The following ADGRV1 variants were observed in gnomAD, a reference collection of about 807,000 sequenced individuals.
ADGRV1 encodes the protein G-protein coupled receptor 98.
A neutral mutation model predicts 596.2 loss-of-function variants in ADGRV1; 359 were observed. That is an observed-to-expected ratio of 0.60 (90% confidence interval 0.55 to 0.66). The LOEUF is 0.66. Among genes scored for constraint, ADGRV1 ranks in the 30% least tolerant of loss-of-function variants. The pLI is 0.00. For synonymous variants in ADGRV1, 2,681 were observed against 2,679.2 expected (o/e 1.00, Z -0.02); for missense variants, 7,274 against 7,575.6 (o/e 0.96, Z 1.48).
intron 83 of ADGRV1, among the ~76,000 whole-genome samples, chr5:90,916,833 C>T (rs527389370): frequency 9.2e-5 from 14 of 151,516 alleles, no homozygotes; most frequent in Non-Finnish European, 1.9e-4. Context: ...GGGGTTTCAC[C>T]GTTTTAGCCA....
chr5:90,639,084 A>ACC (rs1766631670), intron 11 of ADGRV1, among the ~76,000 whole-genome samples: 1 of 151,624 alleles, frequency 6.6e-6, no homozygotes, highest in African/African-American at 2.4e-5. Context: ...ACACACACAC[A>ACC]CACACACACA....
intron 1 of ADGRV1, among the ~76,000 whole-genome samples, chr5:90,569,934 G>A (rs1476038045): frequency 2.0e-5 from 3 of 151,946 alleles, no homozygotes; most frequent in Non-Finnish European, 4.4e-5. Flanking sequence ...TATTATTATT[G>A]CTTTATGTAG....
intron 75 of ADGRV1, among the ~76,000 whole-genome samples, chr5:90,820,660 C>G (rs1380636453): frequency 3.3e-5 from 5 of 149,662 alleles, no homozygotes; most frequent in African/African-American, 1.2e-4. Context: ...TATTTTATTT[C>G]TCCTTCACTT....
At chr5:90,993,177 T>C (rs2151079094) in intron 85 of ADGRV1, among the ~76,000 whole-genome samples, 1 of 148,698 alleles carries the variant, frequency 6.7e-6, no homozygotes, top group African/African-American at 2.5e-5. Flanking sequence ...TTTTTTTTTT[T>C]TGACGGAGGC....
At chr5:91,036,340 A>G (rs1784906999) in intron 85 of ADGRV1, among the ~76,000 whole-genome samples, 1 of 152,084 alleles carries the variant, frequency 6.6e-6, no homozygotes, top group South Asian at 2.1e-4. Context: ...TGGGCGGATC[A>G]CTAGGTCAGG....
intron 85 of ADGRV1, among the ~76,000 whole-genome samples, chr5:91,048,866 C>A (rs1354248204): frequency 6.6e-6 from 1 of 152,210 alleles, no homozygotes; most frequent in African/African-American, 2.4e-5. Flanking sequence ...AAAAAAGATA[C>A]AGCTTTTTTT....
chr5:90,732,404 T>C (rs1752668665), intron 50 of ADGRV1, among the ~76,000 whole-genome samples: 1 of 152,204 alleles, frequency 6.6e-6, no homozygotes, highest in South Asian at 2.1e-4. Context: ...TATAATGATA[T>C]GTATTTCCTC....
At chr5:90,906,181 GCA>G (rs1234734710) in intron 83 of ADGRV1, among the ~76,000 whole-genome samples, 2 of 151,962 alleles carry the variant, frequency 1.3e-5, no homozygotes. Flanking sequence ...ATATTGGCCT[GCA>G]TATATGTTTT....
chr5:90,590,775 T>A (rs184153380), intron 1 of ADGRV1, among the ~76,000 whole-genome samples: 1 of 152,360 alleles, frequency 6.6e-6, no homozygotes. Flanking sequence ...ACTGTTATTT[T>A]AATGTTCTGT....
chr5:90,567,408 T>C (rs2151948207), intron 1 of ADGRV1, among the ~76,000 whole-genome samples: 1 of 152,308 alleles, frequency 6.6e-6, no homozygotes. Flanking sequence ...CTTAAACATT[T>C]GGTAGAATTC....
At chr5:90,817,020 T>C (rs992174169) in intron 75 of ADGRV1, among the ~76,000 whole-genome samples, 74 of 152,116 alleles carry the variant, frequency 4.9e-4, no homozygotes, top group Non-Finnish European at 1.5e-4. Flanking sequence ...TAGTTTACAG[T>C]CCCACCAACA....
chr5:90,675,445 G>A lies in ADGRV1; in HGVS notation c.5313G>A (p.Gln1771=). ...SLTAFSPEDY[Q]NVAGTLEFQP... is the part of the protein sequence containing the mutation. ...CAGCATTCAGTCCTGAGGATTACCA[G>A]GTAATTTACTCAGTCCTTTTGAAGT... The change falls in exon 24 of 90, where the codon CAG becomes CAA. Residue 1771 remains glutamine (Q), a splice_region_variant and synonymous_variant. Coordinates refer to ENST00000405460, the MANE Select transcript of ADGRV1 (RefSeq NM_032119.4). The A allele has an allele frequency of 6.2e-7, 1 of 1,611,674 alleles. No homozygotes were observed. The highest frequency in any genetic ancestry group is 8.5e-7 in the Non-Finnish European group (1 of 1,178,628).
chr5:90,689,773 A>T (rs538851320), intron 29 of ADGRV1, 88 bp from the exon 30 acceptor site: 1 of 832,410 alleles, frequency 1.2e-6, no homozygotes, highest in Non-Finnish European at 1.9e-6. Context: ...AGATCCATAA[A>T]GTTTGTTACC....
intron 21 of ADGRV1, among the ~76,000 whole-genome samples, chr5:90,663,633 A>G (rs1028888344): frequency 6.6e-5 from 10 of 151,998 alleles, no homozygotes; most frequent in Admixed American, 2.0e-4. Context: ...CCCATTTGTC[A>G]ATTTTGTCTT....
At chr5:90,674,345 C>T in intron 23 of ADGRV1, 111 bp downstream of exon 23, 1 of 631,160 alleles carries the variant, frequency 1.6e-6, no homozygotes, top group Non-Finnish European at 2.5e-6. Flanking sequence ...TGCCTTCAGA[C>T]CTCCTAATTT....
At chr5:91,071,064 A>G (rs1242092621) in intron 85 of ADGRV1, among the ~76,000 whole-genome samples, 1 of 152,074 alleles carries the variant, frequency 6.6e-6, no homozygotes, top group African/African-American at 2.4e-5. Context: ...CTCATCCTTT[A>G]TTTCCTCTGT....
intron 85 of ADGRV1, among the ~76,000 whole-genome samples, chr5:91,035,789 TAATAAC>T (rs917909402): frequency 2.8e-5 from 4 of 145,318 alleles, no homozygotes; most frequent in Non-Finnish European, 6.0e-5. Flanking sequence ...CGAATAATAA[TAATAAC>T]AATAATAATC....
intron 1 of ADGRV1, among the ~76,000 whole-genome samples, chr5:90,594,563 T>C (rs1488798577): frequency 2.2e-5 from 3 of 137,974 alleles, no homozygotes; most frequent in Admixed American, 1.5e-4. Flanking sequence ...AGGACAATAG[T>C]GGAGGGAAGG....
intron 21 of ADGRV1, among the ~76,000 whole-genome samples, chr5:90,665,483 G>A (rs1041713785): frequency 1.1e-4 from 16 of 151,872 alleles, no homozygotes; most frequent in Admixed American, 2.0e-4. Flanking sequence ...TTTTTATTCC[G>A]TCTATTTGAT....
Sources: gnomAD v4.1 joint callset for allele counts (sites outside exome capture counted in the v4.1 genomes callset) on GRCh38, gnomAD v4.1.1 for gene constraint, MANE v1.5 for transcripts, NCBI Gene and HGNC (gene_info 2026-07-23, HGNC 2026-07-21) for gene names.